Variants in SCGB2B2 observed in about 807,000 individuals in gnomAD.
SCGB2B2 encodes secretoglobin family 2B member 2, also known as secretoglobin-like protein.
SCGB2B2 carries 11 observed loss-of-function variants against 7.6 expected under a neutral mutation model. The ratio of observed to expected loss-of-function variants is 1.45; its 90% CI spans 0.91 to 2.40. The LOEUF is 2.40. Ranked by LOEUF, SCGB2B2 falls within the 30% of genes most tolerant of loss-of-function variation. SCGB2B2 has a pLI of 0.00. For synonymous variants in SCGB2B2, 50 were observed against 48.6 expected (o/e 1.03, Z -0.12); for missense variants, 104 against 115.4 (o/e 0.90, Z 0.45).
Position 34,672,227 on chromosome 19 carries a change from CA to C in SCGB2B2, c.-2032+3402del, listed in dbSNP as rs911921615. Reference sequence around the variant, plus strand: ...CTTATCGGTAATTTGTTTTTTCTCACATTTTTTTTTTTTGCTAGATCCACAG... The same window carrying C: ...CTTATCGGTAATTTGTTTTTTCTCACTTTTTTTTTTTTGCTAGATCCACAG... On this transcript the variant is annotated intron_variant, in intron 1 of 3. Transcript: ENST00000601241. 4.6e-5 allele frequency among the ~76,000 whole-genome samples: 6 copies of C among 130,092 alleles called. No individual in the cohort carries two copies. In the East Asian group the frequency reaches 1.0e-3, roughly 22 times the overall value. 85.3% of individuals were successfully genotyped at this position (130,092 alleles called of 152,430 possible).
chr19:34,587,295 G>C (rs2065205892), downstream of SCGB2B2, among the ~76,000 whole-genome samples: 1 of 152,156 alleles, frequency 6.6e-6, no homozygotes, highest in Admixed American at 6.5e-5. Flanking sequence ...AAGGTATCAA[G>C]TGTCATTACA....
chr19:34,622,822 G>A (rs1346383440), intron 1 of SCGB2B2, among the ~76,000 whole-genome samples: 1 of 152,014 alleles, frequency 6.6e-6, no homozygotes, highest in Non-Finnish European at 1.5e-5. Context: ...TGTCCTTTAA[G>A]ATTAGCTGTC....
intron 1 of SCGB2B2, among the ~76,000 whole-genome samples, chr19:34,627,384 CAT>C (rs1478128627): frequency 4.6e-5 from 7 of 152,100 alleles, no homozygotes; most frequent in African/African-American, 1.7e-4. Flanking sequence ...CAGAGACACA[CAT>C]AGTCTCAAAA....
intron 1 of SCGB2B2, among the ~76,000 whole-genome samples, chr19:34,627,360 AC>A (rs1387559670): frequency 5.9e-5 from 9 of 152,334 alleles, no homozygotes; most frequent in Admixed American, 1.3e-4. Flanking sequence ...TATTCAGGAG[AC>A]CCATCTCATG....
intron 1 of SCGB2B2, among the ~76,000 whole-genome samples, chr19:34,668,175 C>T (rs1199994861): frequency 6.6e-6 from 1 of 152,210 alleles, no homozygotes; most frequent in Non-Finnish European, 1.5e-5. Flanking sequence ...GCTCCCTCAG[C>T]TTGCAGGGAG....
intron 1 of SCGB2B2, among the ~76,000 whole-genome samples, chr19:34,598,540 T>TG (rs1023369979): frequency 3.3e-5 from 5 of 151,912 alleles, no homozygotes; most frequent in Non-Finnish European, 7.4e-5. Flanking sequence ...GCCAGGCTTT[T>TG]GGGGTGGTGG....
intron 1 of SCGB2B2, among the ~76,000 whole-genome samples, chr19:34,634,542 G>C (rs1417246251): frequency 1.8e-5 from 1 of 55,262 alleles, no homozygotes; most frequent in South Asian, 6.5e-4. Flanking sequence ...CTGATTGATA[G>C]CTACTACACA....
At chr19:34,614,828 A>G (rs182561550) in intron 1 of SCGB2B2, among the ~76,000 whole-genome samples, 1 of 152,188 alleles carries the variant, frequency 6.6e-6, no homozygotes, top group South Asian at 2.1e-4. Flanking sequence ...GACTGTTTCC[A>G]AATTAGTATA....
chr19:34,651,748 A>C (rs1433542063), intron 1 of SCGB2B2, among the ~76,000 whole-genome samples: 2 of 151,324 alleles, frequency 1.3e-5, no homozygotes, highest in African/African-American at 4.9e-5. Context: ...CAAAATATCA[A>C]TGATATCTTC....
chr19:34,659,673 T>C (rs1049207773), intron 1 of SCGB2B2, among the ~76,000 whole-genome samples: 2 of 152,208 alleles, frequency 1.3e-5, no homozygotes, highest in Admixed American at 6.5e-5. Context: ...TCCATGCTCA[T>C]GGGTAGGAAG....
chr19:34,635,607 C>T, intron 1 of SCGB2B2: 1 of 223,980 alleles, frequency 4.5e-6, no homozygotes. Context: ...TTTGTAAGGT[C>T]TTTCTCTGCT....
At chr19:34,660,332 T>C (rs2067417319) in intron 1 of SCGB2B2, among the ~76,000 whole-genome samples, 1 of 152,124 alleles carries the variant, frequency 6.6e-6, no homozygotes, top group African/African-American at 2.4e-5. Context: ...GAAACTATCA[T>C]CAGAGTGAAC....
intron 1 of SCGB2B2, among the ~76,000 whole-genome samples, chr19:34,624,788 C>T (rs2066324776): frequency 6.6e-6 from 1 of 152,196 alleles, no homozygotes; most frequent in Non-Finnish European, 1.5e-5. Context: ...ACAGAGCCAA[C>T]ATTCCCAACA....
downstream of SCGB2B2, among the ~76,000 whole-genome samples, chr19:34,586,799 T>C (rs1051263148): frequency 2.0e-5 from 3 of 152,236 alleles, no homozygotes; most frequent in African/African-American, 7.2e-5. Context: ...TGAAATATTC[T>C]CCTTGTCCTC....
chr19:34,664,996 C>T (rs1242461183), intron 1 of SCGB2B2, among the ~76,000 whole-genome samples: 6 of 152,206 alleles, frequency 3.9e-5, no homozygotes, highest in South Asian at 2.1e-4. Context: ...GCACAGGGGA[C>T]GCCCCCACAC....
chr19:34,638,342 C>A (rs1459669132), intron 1 of SCGB2B2: 2 of 151,986 alleles, frequency 1.3e-5, no homozygotes, highest in Non-Finnish European at 2.9e-5. Context: ...ACTCTGGAGG[C>A]TGAAGCAGGA....
Position 34,660,937 on chromosome 19 carries a change from T to C in SCGB2B2, c.-2032+14693A>G, listed in dbSNP as rs201913632. Reference sequence around the variant, plus strand: ...GGCACATATACACCATGGAATACTATGCAGCCATAAGAATGGATGAGTGCA... The same window carrying C: ...GGCACATATACACCATGGAATACTACGCAGCCATAAGAATGGATGAGTGCA... On this transcript the variant is annotated intron_variant, in intron 1 of 3. Transcript: ENST00000601241. Among the ~76,000 whole-genome samples, 43 of 152,304 alleles carry C rather than the reference T, an allele frequency of 2.8e-4. No homozygotes were observed. The East Asian group carries it at 8.3e-3, about 29-fold the overall frequency.
Position 34,645,349 on chromosome 19 carries a change from C to G in SCGB2B2, c.-2032+30281G>C, listed in dbSNP as rs563031851. 1.1e-4 allele frequency: 17 copies of G among 154,910 alleles called. No homozygotes were observed. In the South Asian group the frequency reaches 3.4e-3, roughly 31 times the overall value. 9.6% of individuals were successfully genotyped at this position (154,910 alleles called of 1,614,324 possible). A position where few individuals can be genotyped will look rare whatever the true frequency, so the allele number is the denominator to read the frequency against. On this transcript the variant is annotated intron_variant, in intron 1 of 3. Transcript: ENST00000601241. ...ACAGTGCTCAGCCCGTTCCCAATCC[C>G]AGGACACTCCAGGGAGGACAGAGAC...
chr19:34,617,042 T>C (rs578091422), intron 1 of SCGB2B2, among the ~76,000 whole-genome samples: 1 of 152,340 alleles, frequency 6.6e-6, no homozygotes, highest in African/African-American at 2.4e-5. Flanking sequence ...TCCATTGATC[T>C]ATATCTCTGT....
Sources: allele counts gnomAD v4.1 joint callset (sites outside exome capture counted in the v4.1 genomes callset), GRCh38; gene constraint gnomAD v4.1.1; transcripts MANE v1.5; gene names NCBI Gene and HGNC (gene_info 2026-07-23, HGNC 2026-07-21).